Variants in LYN observed in about 807,000 individuals in gnomAD.
LYN encodes the protein tyrosine-protein kinase Lyn.
Under a neutral mutation model 65.0 loss-of-function variants are expected in LYN, and 12 were observed. The ratio of observed to expected loss-of-function variants is 0.18; its 90% confidence interval spans 0.12 to 0.30. The LOEUF (loss-of-function observed/expected upper bound fraction) is 0.30. Ranked by LOEUF, LYN falls within the 10% of genes least tolerant of loss-of-function variation. The pLI, the probability that LYN is intolerant of heterozygous loss-of-function variation, is 1.00. For synonymous variants in LYN, 222 were observed against 221.2 expected (o/e 1.00, Z -0.03); for missense variants, 380 against 623.2 (o/e 0.61, Z 4.16).
chr8:55,893,255 T>C (rs557029536), intron 1 of LYN, among the ~76,000 whole-genome samples: 2 of 152,348 alleles, frequency 1.3e-5, no homozygotes, highest in Admixed American at 6.5e-5. Flanking sequence ...TAAAATTAGC[T>C]GGCATAAGCT....
chr8:55,981,347 C>T (rs1563322963), intron 10 of LYN, among the ~76,000 whole-genome samples: 1 of 152,164 alleles, frequency 6.6e-6, no homozygotes, highest in Admixed American at 6.5e-5. Flanking sequence ...TTATCCCCAG[C>T]ACTTGGTGCA....
chr8:55,929,254 TC>T (rs1585608770), intron 1 of LYN, among the ~76,000 whole-genome samples: 2 of 152,358 alleles, frequency 1.3e-5, no homozygotes, highest in East Asian at 3.9e-4. Context: ...GTAGAATAGA[TC>T]CTTCTTACTG....
chr8:55,977,117 G>A (rs377089455), intron 10 of LYN, among the ~76,000 whole-genome samples: 173 of 152,106 alleles, frequency 1.1e-3, no homozygotes, highest in Middle Eastern at 3.4e-3. Flanking sequence ...CCCAGAAGGC[G>A]GAGATTGCAG....
intron 1 of LYN, among the ~76,000 whole-genome samples, chr8:55,890,405 G>T (rs1327390983): frequency 6.6e-6 from 1 of 152,096 alleles, no homozygotes; most frequent in Non-Finnish European, 1.5e-5. Context: ...TGTTAAAAAA[G>T]AACACAACAA....
rs1436636639 is a variant in LYN at position 55,898,607 on chromosome 8, A to C, written c.-6+18504A>C. 2.0e-5 allele frequency among the ~76,000 whole-genome samples: 3 copies of C among 152,294 alleles called. No individual in the cohort carries two copies. The East Asian group carries it at 5.8e-4, about 29-fold the overall frequency. The stretch of plus-strand genomic sequence containing the variant: ...ACCCAGCTGAATAATAGTTTTATTG[A>C]GATATAATTCACATATTGTATAATT... On this transcript the variant is annotated intron_variant, in intron 1 of 12. Transcript: ENST00000519728.
chr8:56,001,516 C>G lies in LYN; in HGVS notation c.1336+1967C>G, dbSNP rs147911577. Among the ~76,000 whole-genome samples, 4 of 152,232 alleles carry G rather than the reference C, an allele frequency of 2.6e-5. No homozygotes were observed. The East Asian group carries it at 5.8e-4, about 22-fold the overall frequency. ...GCAGGGACCAGTTGGCAGCTGAAAG[C>G]CTTTGGGTGGTGTCTGCCTGCACAG... On this transcript the variant is annotated intron_variant, in intron 12 of 12. Transcript: ENST00000519728.
chr8:55,939,936 A>G (rs978606157), intron 1 of LYN, among the ~76,000 whole-genome samples: 3 of 152,186 alleles, frequency 2.0e-5, no homozygotes, highest in African/African-American at 7.2e-5. Flanking sequence ...TGGGAACTGC[A>G]GCTCGCTAGT....
chr8:55,964,958 A>C (rs1807404652), intron 8 of LYN, among the ~76,000 whole-genome samples: 1 of 152,202 alleles, frequency 6.6e-6, no homozygotes, highest in Non-Finnish European at 1.5e-5. Context: ...GGTGCTATCC[A>C]GCTTTTGCGC....
In LYN at chr8:55,896,664, T is replaced by TA. The variant is rs1563498540; in HGVS notation, c.-6+16561_-6+16562insA. ...GAAATTAGAGTATAATAAAAAAATTTTAAAAAAAAGAAACATAGAATAAAA... is the reference window on the plus strand; with the variant it reads ...GAAATTAGAGTATAATAAAAAAATTTATAAAAAAAAGAAACATAGAATAAAA... On this transcript the variant is annotated intron_variant, in intron 1 of 12. Transcript: ENST00000519728. 4.6e-5 allele frequency among the ~76,000 whole-genome samples: 7 copies of TA among 152,022 alleles called. No individual in the cohort carries two copies. In the East Asian group the frequency reaches 1.3e-3, roughly 29 times the overall value.
intron 10 of LYN, among the ~76,000 whole-genome samples, chr8:55,985,250 T>C (rs1300968120): frequency 6.6e-6 from 1 of 152,206 alleles, no homozygotes; most frequent in African/African-American, 2.4e-5. Flanking sequence ...AAGTCCTACC[T>C]GGTGAGCAAA....
rs1801602312 is a variant in LYN, at chr8:55,903,189, C to A, written c.-6+23086C>A. ...TATATATTTGGTAGAGACGGGATTT[C>A]ACCATGTTGGCCAGGCTGGTCTCGA... On this transcript the variant is annotated intron_variant, in intron 1 of 12. Coordinates refer to ENST00000519728, the MANE Select transcript of LYN (RefSeq NM_002350.4). 2.6e-5 allele frequency among the ~76,000 whole-genome samples: 4 copies of A among 152,214 alleles called. No homozygotes were observed. The South Asian group carries it at 8.3e-4, about 32-fold the overall frequency.
intron 8 of LYN, among the ~76,000 whole-genome samples, chr8:55,957,737 G>T (rs1020959685): frequency 1.3e-5 from 2 of 152,146 alleles, no homozygotes; most frequent in Non-Finnish European, 2.9e-5. Context: ...GAGCTCAGAA[G>T]TTCAAGACTA....
intron 12 of LYN, among the ~76,000 whole-genome samples, chr8:56,009,155 T>C (rs950921188): frequency 6.6e-6 from 1 of 152,222 alleles, no homozygotes; most frequent in Non-Finnish European, 1.5e-5. Flanking sequence ...TTCATAAATA[T>C]ACTACAAGTT....
intron 10 of LYN, among the ~76,000 whole-genome samples, chr8:55,997,461 T>C (rs999761232): frequency 6.6e-6 from 1 of 152,178 alleles, no homozygotes; most frequent in African/African-American, 2.4e-5. Flanking sequence ...GGCCATTTCC[T>C]GGTTCATAGA....
chr8:55,941,792 T>C (rs1425906839), intron 1 of LYN, 63 bp from the exon 2 acceptor site: 1 of 1,279,096 alleles, frequency 7.8e-7, no homozygotes, highest in East Asian at 2.3e-5. Context: ...ATTGGAGACA[T>C]TTTGATGGCT....
chr8:55,896,301 A>G (rs1189197896), intron 1 of LYN, among the ~76,000 whole-genome samples: 1 of 152,120 alleles, frequency 6.6e-6, no homozygotes, highest in African/African-American at 2.4e-5. Flanking sequence ...AAGAAACAAC[A>G]ACATCAAACA....
chr8:55,990,175 G>T (rs1389894099), intron 10 of LYN, among the ~76,000 whole-genome samples: 1 of 142,780 alleles, frequency 7.0e-6, no homozygotes, highest in Non-Finnish European at 1.5e-5. Flanking sequence ...GGAGGTGGAG[G>T]TTGCAGTGAG....
chr8:55,929,967 A>G (rs1042137709), intron 1 of LYN, among the ~76,000 whole-genome samples: 2 of 152,200 alleles, frequency 1.3e-5, no homozygotes, highest in African/African-American at 2.4e-5. Context: ...TTGAGCAAGC[A>G]TTACTGCCTG....
intron 8 of LYN, among the ~76,000 whole-genome samples, chr8:55,954,852 AAATAAATAAATAAATAAAT>A (rs1807060619): frequency 6.8e-6 from 1 of 146,152 alleles, no homozygotes; most frequent in African/African-American, 2.5e-5. Context: ...ATAAATAAAT[AAATAAATAAATAAATAAAT>A]AAAAGTTTTC....
Sources: allele counts gnomAD v4.1 joint callset (sites outside exome capture counted in the v4.1 genomes callset), GRCh38; gene constraint gnomAD v4.1.1; transcripts MANE v1.5; gene names NCBI Gene and HGNC (gene_info 2026-07-23, HGNC 2026-07-21).